YARS1: variants seen among roughly 807,000 people sequenced by gnomAD.
The protein encoded by YARS1 is tyrosine--tRNA ligase, cytoplasmic.
In YARS1, 36 loss-of-function variants were observed where a neutral mutation model predicts 62.2. The observed-to-expected ratio is 0.58, with a 90% CI of 0.44 to 0.76. The LOEUF (loss-of-function observed/expected upper bound fraction) is 0.76, where lower values mean the gene tolerates loss of function less well. YARS1 is among the 30% of genes least tolerant of loss of function. The probability of loss-of-function intolerance (pLI) is 0.00; values close to 1 mark genes in which losing one functional copy is unlikely to be tolerated. For synonymous variants in YARS1, 234 were observed against 244.9 expected, an observed-to-expected ratio of 0.96 and a Z score of 0.42; for missense variants, 524 against 639.8, an observed-to-expected ratio of 0.82 and a Z score of 1.95.
intron 3 of YARS1, among the ~76,000 whole-genome samples, chr1:32,808,726 C>G (rs895680497): frequency 6.6e-6 from 1 of 152,182 alleles, no homozygotes; most frequent in Non-Finnish European, 1.5e-5. Context: ...CAGGTTTCTG[C>G]CTAATGTCAT....
intron 1 of YARS1, among the ~76,000 whole-genome samples, chr1:32,813,532 T>C (rs1470799865): frequency 2.0e-5 from 3 of 152,130 alleles, no homozygotes; most frequent in African/African-American, 7.2e-5. Flanking sequence ...GTTGGTCAGG[T>C]TGGTCTCAAA....
At chr1:32,786,578 T>C in intron 7 of YARS1, 131 bp from the exon 8 acceptor site, 1 of 940,866 alleles carries the variant, frequency 1.1e-6, no homozygotes, top group Non-Finnish European at 1.7e-6. Flanking sequence ...TTGTATGGTA[T>C]TATTCTTAAA....
In YARS1 at chr1:32,809,870, C is replaced by T. The variant is rs185425363; in HGVS notation, c.380+721G>A. Among the ~76,000 whole-genome samples, 1,069 of 152,160 alleles carry T rather than the reference C, an allele frequency of 7.0e-3. 7 individuals are homozygous for T. The highest frequency in any genetic ancestry group is 7.1e-3 in the Non-Finnish European group (481 of 68,020). ...CCTATAATCCCAGCACTTTGGGAGA[C>T]CGAGGTGGGCGGATCACCTGAGCTC... On this transcript the variant is annotated intron_variant, in intron 3 of 12. Transcript: ENST00000373477.
chr1:32,812,223 G>A (rs775371354), intron 1 of YARS1, among the ~76,000 whole-genome samples: 1 of 152,120 alleles, frequency 6.6e-6, no homozygotes, highest in African/African-American at 2.4e-5. Flanking sequence ...ATGTTGCCCA[G>A]GCTGGTCTCG....
chr1:32,786,229 A>T, intron 8 of YARS1, 133 bp downstream of exon 8: 2 of 901,058 alleles, frequency 2.2e-6, no homozygotes, highest in Non-Finnish European at 1.8e-6. Context: ...TAGTGAGATT[A>T]CCAAAAGTAG....
intron 6 of YARS1, among the ~76,000 whole-genome samples, chr1:32,788,825 C>T (rs1249235974): frequency 6.6e-6 from 1 of 152,104 alleles, no homozygotes; most frequent in Non-Finnish European, 1.5e-5. Context: ...CCTCAGCTTC[C>T]CAAAGTGTTG....
intron 5 of YARS1, among the ~76,000 whole-genome samples, chr1:32,796,364 CTTTTTT>C (rs1569743610): frequency 6.9e-6 from 1 of 145,894 alleles, no homozygotes; most frequent in East Asian, 1.9e-4. Context: ...TTATTTTTTT[CTTTTTT>C]GTTTTTTTTT....
chr1:32,799,652 TTA>T (rs976239991), intron 4 of YARS1, among the ~76,000 whole-genome samples: 15 of 152,214 alleles, frequency 9.9e-5, no homozygotes, highest in East Asian at 1.9e-4. Flanking sequence ...GATGAATATA[TTA>T]TATGTCTGTG....
At chr1:32,789,781 G>A (rs975123941) in intron 6 of YARS1, among the ~76,000 whole-genome samples, 4 of 151,724 alleles carry the variant, frequency 2.6e-5, no homozygotes, top group Non-Finnish European at 5.9e-5. Context: ...GTAGAGAAGG[G>A]GTTTCACCAT....
chr1:32,814,551 G>A (rs1638655761), intron 1 of YARS1, among the ~76,000 whole-genome samples: 1 of 152,124 alleles, frequency 6.6e-6, no homozygotes, highest in East Asian at 1.9e-4. Flanking sequence ...CACCAGGCCA[G>A]AGAAATTTTT....
At chr1:32,778,722 ATTTCT>A (rs1311581474) in intron 12 of YARS1, among the ~76,000 whole-genome samples, 44 of 125,948 alleles carry the variant, frequency 3.5e-4, no homozygotes, top group Admixed American at 5.9e-4. Context: ...TGGCCTCATC[ATTTCT>A]TTTCTTTTCT....
rs1481508862 is a variant in YARS1 at position 32,796,996 on chromosome 1, ATATATATATATATATATAT to A, written c.591+748_591+766del. 0.016 allele frequency among the ~76,000 whole-genome samples: 34 copies of A among 2,146 alleles called. 7 individuals are homozygous for A. The Admixed American group carries it at 0.16, about 10-fold the overall frequency. The allele number at this position is 2,146 out of a possible 152,430, so 1.4% of individuals were successfully genotyped here. ...AAAAAAAAAAAAAAAAAAAAAAAAA[ATATATATATATATATATAT>A]ATATATATATATATATATATATATA... On this transcript the variant is annotated intron_variant, in intron 5 of 12. Transcript: ENST00000373477.
rs1273387259 is a variant in YARS1 at position 32,775,261 on chromosome 1, G to C, written c.*720C>G. 1 of 152,388 alleles carries C rather than the reference G, an allele frequency of 6.6e-6. No homozygotes were observed. Among genetic ancestry groups the C allele is most frequent in the African/African-American group, 2.4e-5 (1 of 41,416 alleles). 9.4% of individuals were successfully genotyped at this position (152,388 alleles called of 1,614,324 possible). On this transcript the variant is annotated 3_prime_UTR_variant, in exon 13 of 13. Transcript: ENST00000373477. Reference sequence around the variant, plus strand: ...ACACCCTTGTTCAGACATTTTATTTGAATTTATGACAGTGATGGGGATTTG... The same window carrying C: ...ACACCCTTGTTCAGACATTTTATTTCAATTTATGACAGTGATGGGGATTTG...
At chr1:32,806,657 C>T (rs1435783205) in intron 3 of YARS1, 46 bp from the exon 4 acceptor site, 1 of 1,613,370 alleles carries the variant, frequency 6.2e-7, no homozygotes, top group African/African-American at 1.3e-5. Context: ...TGGGCCTAGG[C>T]CTCAGTTTCC....
At position 32,816,931 on chromosome 1, in the gene YARS1, G is replaced by C. The variant is rs538719149; in HGVS notation, c.57+257C>G. 2.5e-5 allele frequency: 15 copies of C among 596,032 alleles called. No individual in the cohort carries two copies. The East Asian group carries it at 3.9e-4, about 15-fold the overall frequency. 36.9% of individuals were successfully genotyped at this position (596,032 alleles called of 1,614,324 possible). A position where few individuals can be genotyped will look rare whatever the true frequency, so the allele number is the denominator to read the frequency against. On this transcript the variant is annotated intron_variant, in intron 1 of 12. Transcript: ENST00000373477. ...TGGCACTTAATAGGGGGGTGGAATG[G>C]GAGTCCTGGATTCAAAGTTTGGCTC...
In YARS1 at chr1:32,787,053, T is replaced by A. The variant is rs1653252491; in HGVS notation, c.707A>T (p.Asp236Val). The A allele has an allele frequency of 6.2e-7, 1 of 1,614,072 alleles. No homozygotes were observed. Among genetic ancestry groups the A allele is most frequent in the Admixed American group, 1.7e-5 (1 of 59,998 alleles). The part of the protein sequence containing the change: ...SEEESKIDLL[D>V]RKEDVKKKLK... ...TTTTTTCTTCACATCCTCCTTCCGATCAAGGAGATCAATCTTGGACTCCTA... is the reference window on the plus strand; with the variant it reads ...TTTTTTCTTCACATCCTCCTTCCGAACAAGGAGATCAATCTTGGACTCCTA... Residue 236 changes from aspartate (D) to valine (V), a missense_variant, in exon 7 of 13, where the codon GAT becomes GTT. Physicochemically the swap from Asp to Val is radical, Grantham distance 152. Coordinates refer to ENST00000373477, the MANE Select transcript of YARS1 (RefSeq NM_003680.4).
chr1:32,816,397 A>C (rs1488191601), intron 1 of YARS1, among the ~76,000 whole-genome samples: 2 of 151,906 alleles, frequency 1.3e-5, no homozygotes, highest in African/African-American at 2.4e-5. Flanking sequence ...AAACAATAAC[A>C]AAAAAAAGGC....
intron 6 of YARS1, chr1:32,790,551 G>GGGAA (rs1653383595): frequency 6.8e-6 from 1 of 146,086 alleles, no homozygotes; most frequent in Non-Finnish European, 1.5e-5. Flanking sequence ...GAGAGAGAAA[G>GGGAA]GGAAGGAAGG....
intron 3 of YARS1, among the ~76,000 whole-genome samples, chr1:32,809,872 G>A (rs145204850): frequency 1.5e-3 from 224 of 152,306 alleles, no homozygotes; most frequent in African/African-American, 5.2e-3. Context: ...TTGGGAGACC[G>A]AGGTGGGCGG....
Sources: allele counts gnomAD v4.1 joint callset (sites outside exome capture counted in the v4.1 genomes callset), GRCh38; gene constraint gnomAD v4.1.1; transcripts MANE v1.5; gene names NCBI Gene and HGNC (gene_info 2026-07-23, HGNC 2026-07-21).